Variants in TPST1 observed in about 807,000 individuals in gnomAD.
The protein encoded by TPST1 is tyrosylprotein sulfotransferase 1, also known as protein-tyrosine sulfotransferase 1.
In TPST1, 20 loss-of-function variants were observed where a neutral mutation model predicts 34.8. The ratio of observed to expected loss-of-function variants is 0.57; its 90% CI spans 0.40 to 0.84. The LOEUF (loss-of-function observed/expected upper bound fraction) is 0.84, where lower values mean the gene tolerates loss of function less well. Ranked by LOEUF, TPST1 falls within the 40% of genes least tolerant of loss-of-function variation. TPST1 has a pLI of 0.00. For synonymous variants in TPST1, 152 were observed against 159.4 expected, an observed-to-expected ratio of 0.95 and a Z score of 0.35; for missense variants, 353 against 455.5, an observed-to-expected ratio of 0.78 and a Z score of 2.05.
rs572528879 is a variant in TPST1, at chr7:66,359,887, C to T, written c.*30-8C>T. 2.6e-5 allele frequency: 12 copies of T among 456,692 alleles called. No individual in the cohort carries two copies. The highest frequency in any genetic ancestry group is 1.2e-4 in the African/African-American group (6 of 50,218). The allele number at this position is 456,692 out of a possible 1,614,324, so 28.3% of individuals were successfully genotyped here. A position where few individuals can be genotyped will look rare whatever the true frequency, so the allele number is the denominator to read the frequency against. On this transcript the variant is annotated splice_region_variant and splice_polypyrimidine_tract_variant and intron_variant, in intron 5 of 5. Transcript: ENST00000304842. ...CACCTGTAACCACATTCTGTTTGTT[C>T]GCCCTAGGAAAGATTGCTGCCTTTT...
chr7:66,258,020 G>C (rs1790413456), intron 2 of TPST1, among the ~76,000 whole-genome samples: 1 of 152,124 alleles, frequency 6.6e-6, no homozygotes, highest in Non-Finnish European at 1.5e-5. Context: ...ACTTGGTAAT[G>C]ATTTATCATC....
intron 3 of TPST1, among the ~76,000 whole-genome samples, chr7:66,344,848 C>G (rs561943452): frequency 1.3e-5 from 2 of 151,546 alleles, no homozygotes; most frequent in East Asian, 3.9e-4. Context: ...CTCAGCCTCC[C>G]TAGTAGCTGG....
chr7:66,243,730 G>A (rs1463012018), intron 2 of TPST1, among the ~76,000 whole-genome samples: 4 of 150,948 alleles, frequency 2.6e-5, no homozygotes. Flanking sequence ...TTACAGGTGT[G>A]AGCCACTATG....
chr7:66,357,464 T>C (rs1175712087), intron 5 of TPST1, among the ~76,000 whole-genome samples: 1 of 152,240 alleles, frequency 6.6e-6, no homozygotes, highest in African/African-American at 2.4e-5. Flanking sequence ...CCCTTGCTTG[T>C]TTTAATGTAT....
At chr7:66,257,014 A>G (rs1248897182) in intron 2 of TPST1, among the ~76,000 whole-genome samples, 1 of 152,080 alleles carries the variant, frequency 6.6e-6, no homozygotes, top group Non-Finnish European at 1.5e-5. Flanking sequence ...TGGCGCAGTC[A>G]TGGCTCACTG....
chr7:66,257,206 GGT>G (rs1790399049), intron 2 of TPST1, among the ~76,000 whole-genome samples: 1 of 152,196 alleles, frequency 6.6e-6, no homozygotes, highest in South Asian at 2.1e-4. Flanking sequence ...TAGGATTACA[GGT>G]GTGAGCCACT....
chr7:66,241,355 T>G, intron 2 of TPST1, 85 bp downstream of exon 2: 1 of 1,464,650 alleles, frequency 6.8e-7, no homozygotes, highest in Non-Finnish European at 9.1e-7. Context: ...TTTATGTATA[T>G]ATGTGTGTAT....
chr7:66,285,362 C>T (rs1012083620), intron 2 of TPST1, among the ~76,000 whole-genome samples: 3 of 151,896 alleles, frequency 2.0e-5, no homozygotes, highest in Admixed American at 6.6e-5. Context: ...AGGGATGAAG[C>T]AATACAGGGA....
chr7:66,238,407 G>A (rs1325969306), intron 1 of TPST1, among the ~76,000 whole-genome samples: 1 of 139,634 alleles, frequency 7.2e-6, no homozygotes, highest in Non-Finnish European at 1.6e-5. Context: ...AACAGCACTG[G>A]CTTTTTTTTT....
intron 3 of TPST1, among the ~76,000 whole-genome samples, chr7:66,351,328 T>C (rs956239714): frequency 2.6e-5 from 4 of 152,226 alleles, no homozygotes; most frequent in Non-Finnish European, 5.9e-5. Context: ...ATCACGTTTT[T>C]TAATTTATTC....
intron 1 of TPST1, among the ~76,000 whole-genome samples, chr7:66,228,666 T>C (rs1276661795): frequency 6.6e-6 from 1 of 152,238 alleles, no homozygotes; most frequent in Non-Finnish European, 1.5e-5. Flanking sequence ...GTTCAGATTT[T>C]AAATCAATTT....
intron 1 of TPST1, among the ~76,000 whole-genome samples, chr7:66,211,491 C>T (rs1473801133): frequency 1.3e-5 from 2 of 152,196 alleles, no homozygotes; most frequent in East Asian, 3.8e-4. Context: ...TTTATCTTTT[C>T]ATCACTGCCT....
At chr7:66,218,303 TATC>T (rs1468372448) in intron 1 of TPST1, among the ~76,000 whole-genome samples, 2 of 152,220 alleles carry the variant, frequency 1.3e-5, no homozygotes, top group Non-Finnish European at 2.9e-5. Context: ...TTTATTATTT[TATC>T]ATGGCATATA....
At chr7:66,351,498 A>G (rs531726826) in intron 3 of TPST1, among the ~76,000 whole-genome samples, 1 of 152,260 alleles carries the variant, frequency 6.6e-6, no homozygotes, top group South Asian at 2.1e-4. Context: ...TAACTTAGCT[A>G]ATGTTTAGAG....
chr7:66,348,397 C>T (rs970852930), intron 3 of TPST1, among the ~76,000 whole-genome samples: 20 of 152,178 alleles, frequency 1.3e-4, no homozygotes, highest in African/African-American at 4.6e-4. Context: ...AGAATAATAC[C>T]TCCTCAGGAG....
chr7:66,336,272 T>G (rs1234169809), intron 3 of TPST1, among the ~76,000 whole-genome samples: 1 of 149,932 alleles, frequency 6.7e-6, no homozygotes, highest in Admixed American at 6.7e-5. Flanking sequence ...ATTGTGCCAC[T>G]GCACTCCAGC....
intron 3 of TPST1, among the ~76,000 whole-genome samples, chr7:66,319,605 T>C (rs904751773): frequency 2.6e-5 from 4 of 152,230 alleles, no homozygotes; most frequent in Non-Finnish European, 5.9e-5. Flanking sequence ...CAGTGTTGCA[T>C]TGTCCAGATA....
chr7:66,282,463 T>C (rs950088533), intron 2 of TPST1, among the ~76,000 whole-genome samples: 2 of 152,156 alleles, frequency 1.3e-5, no homozygotes, highest in Admixed American at 1.3e-4. Context: ...GCAGGCCAGA[T>C]TGGAGCAATA....
intron 2 of TPST1, among the ~76,000 whole-genome samples, chr7:66,243,279 C>T (rs571874992): frequency 2.0e-5 from 3 of 152,182 alleles, no homozygotes; most frequent in Admixed American, 2.0e-4. Flanking sequence ...TGCCTCACAT[C>T]TTTACCAACA....
Sources: allele counts gnomAD v4.1 joint callset (sites outside exome capture counted in the v4.1 genomes callset), GRCh38; gene constraint gnomAD v4.1.1; transcripts MANE v1.5; gene names NCBI Gene and HGNC (gene_info 2026-07-23, HGNC 2026-07-21).